The following VDR variants were observed in gnomAD, a reference collection of about 807,000 sequenced individuals.
VDR encodes vitamin D receptor.
VDR carries 19 observed loss-of-function variants against 39.7 expected under a neutral mutation model. The ratio of observed to expected loss-of-function variants is 0.48; its 90% CI spans 0.33 to 0.70. The LOEUF (loss-of-function observed/expected upper bound fraction) is 0.70, where lower values mean the gene tolerates loss of function less well. VDR is among the 30% of genes least tolerant of loss of function. VDR has a pLI of 0.02. For synonymous variants in VDR, 242 were observed against 215.8 expected, an observed-to-expected ratio of 1.12 and a Z score of -1.07; for missense variants, 442 against 570.5, an observed-to-expected ratio of 0.77 and a Z score of 2.29.
At chr12:47,861,656 T>C (rs192681082) in intron 4 of VDR, among the ~76,000 whole-genome samples, 1 of 152,276 alleles carries the variant, frequency 6.6e-6, no homozygotes, top group African/African-American at 2.4e-5. Flanking sequence ...GAAAGAGTGT[T>C]GGGCTGTCTG....
intron 1 of VDR, among the ~76,000 whole-genome samples, chr12:47,899,350 C>G (rs759146280): frequency 3.9e-5 from 6 of 152,214 alleles, no homozygotes; most frequent in African/African-American, 1.4e-4. Context: ...AATACACATG[C>G]CTTTCAAGGG....
intron 1 of VDR, 138 bp from the exon 2 acceptor site, chr12:47,882,912 T>C: frequency 1.5e-6 from 1 of 650,092 alleles, no homozygotes; most frequent in Non-Finnish European, 2.5e-6. Flanking sequence ...AGTGGCTTGT[T>C]GGGAGCAGGC....
rs570066010 is a variant in VDR at position 47,894,350 on chromosome 12, C to T, written c.-84+10605G>A. On this transcript the variant is annotated intron_variant, in intron 1 of 9. Transcript: ENST00000549336. ...CAATACTCTTTCTGGCAGAGGCAAA[C>T]ATCCCTCAAGAAGGAATCTGATGGA... is the stretch of plus-strand genomic sequence containing the variant. Among the ~76,000 whole-genome samples the T allele has an allele frequency of 2.6e-5, 4 of 152,348 alleles. No homozygotes were observed. The South Asian group carries it at 8.3e-4, about 32-fold the overall frequency.
intron 3 of VDR, 162 bp downstream of exon 3, chr12:47,878,806 T>C (rs1474720767): frequency 9.1e-7 from 1 of 1,100,708 alleles, no homozygotes; most frequent in Non-Finnish European, 1.3e-6. Context: ...GAAAAGAAGA[T>C]ACCACTCACC....
At chr12:47,858,605 G>A (rs1384635434) in intron 4 of VDR, among the ~76,000 whole-genome samples, 3 of 152,264 alleles carry the variant, frequency 2.0e-5, no homozygotes, top group Admixed American at 6.5e-5. Context: ...GGGTGGAGGG[G>A]ATGCTGGGAG....
intron 4 of VDR, among the ~76,000 whole-genome samples, chr12:47,859,968 T>C (rs183422387): frequency 7.0e-6 from 1 of 143,078 alleles, no homozygotes; most frequent in East Asian, 2.0e-4. Flanking sequence ...TCTTTCTTTC[T>C]TTCTTTCTTT....
chr12:47,860,630 G>A (rs1195691736), intron 4 of VDR, among the ~76,000 whole-genome samples: 2 of 152,236 alleles, frequency 1.3e-5, no homozygotes, highest in East Asian at 3.8e-4. Flanking sequence ...GAACATTGCA[G>A]GACAAGGTTA....
intron 7 of VDR, among the ~76,000 whole-genome samples, chr12:47,852,683 G>T (rs908302523): frequency 2.0e-5 from 3 of 152,194 alleles, no homozygotes; most frequent in Non-Finnish European, 2.9e-5. Context: ...TTGGTGAGAG[G>T]CATAAAATAA....
intron 4 of VDR, among the ~76,000 whole-genome samples, chr12:47,863,721 A>C (rs1945670669): frequency 6.6e-6 from 1 of 152,094 alleles, no homozygotes; most frequent in Admixed American, 6.5e-5. Context: ...TGGAGAAACC[A>C]CAGCCCTGGA....
At chr12:47,892,710 C>T (rs530740145) in intron 1 of VDR, among the ~76,000 whole-genome samples, 4 of 148,952 alleles carry the variant, frequency 2.7e-5, no homozygotes, top group Admixed American at 6.7e-5. Flanking sequence ...CAGTCTACCG[C>T]GGGTTGGGGG....
intron 4 of VDR, among the ~76,000 whole-genome samples, chr12:47,858,474 G>A (rs1945542696): frequency 1.3e-5 from 2 of 152,258 alleles, no homozygotes; most frequent in African/African-American, 4.8e-5. Flanking sequence ...CCCAAAGGGT[G>A]AGGCCTTGCA....
rs761146358 is a variant in VDR, at chr12:47,855,808, G to A, written c.584-7C>T. 2 of 1,613,546 alleles carry A rather than the reference G, an allele frequency of 1.2e-6. No homozygotes were observed. Among genetic ancestry groups the A allele is most frequent in the Non-Finnish European group, 1.7e-6 (2 of 1,179,922 alleles). Reference sequence around the variant, plus strand: ...CTGGACGAGTCCATCATGTCTGGGAGAGATGAGGGAAGAGAAGGAGCTATT... The same window carrying A: ...CTGGACGAGTCCATCATGTCTGGGAAAGATGAGGGAAGAGAAGGAGCTATT... On this transcript the variant is annotated splice_polypyrimidine_tract_variant and splice_region_variant and intron_variant, in intron 6 of 9. Coordinates refer to ENST00000549336, the MANE Select transcript of VDR (RefSeq NM_000376.3).
chr12:47,903,258 CTG>C (rs10604401), intron 1 of VDR, among the ~76,000 whole-genome samples: 4,430 of 152,290 alleles, frequency 0.029, 222 homozygotes, highest in African/African-American at 0.1. Flanking sequence ...AGAGCATAGA[CTG>C]TGAATTCCCC....
intron 1 of VDR, among the ~76,000 whole-genome samples, chr12:47,890,775 G>T (rs528482928): frequency 3.9e-5 from 6 of 152,166 alleles, no homozygotes; most frequent in Non-Finnish European, 7.4e-5. Context: ...GAAGGGAGTG[G>T]GTGCAGGAGA....
intron 4 of VDR, among the ~76,000 whole-genome samples, chr12:47,859,858 C>CTTCT (rs1945573794): frequency 4.0e-5 from 2 of 50,114 alleles, no homozygotes; most frequent in East Asian, 3.7e-4. Context: ...TCCTTCCTTC[C>CTTCT]TTCCTTCTTT....
chr12:47,893,955 C>A (rs1332585101), intron 1 of VDR, among the ~76,000 whole-genome samples: 3 of 152,202 alleles, frequency 2.0e-5, no homozygotes, highest in Non-Finnish European at 2.9e-5. Context: ...ACGTTTCAGG[C>A]CAAATATCAG....
chr12:47,848,607 C>T (rs1189008060), intron 7 of VDR, among the ~76,000 whole-genome samples: 3 of 124,010 alleles, frequency 2.4e-5, no homozygotes, highest in East Asian at 2.9e-4. Flanking sequence ...TGCTCTGTTG[C>T]CCAGGCTGGA....
chr12:47,857,358 C>G (rs950888365), intron 5 of VDR, 109 bp from the exon 6 acceptor site: 7 of 1,605,058 alleles, frequency 4.4e-6, no homozygotes, highest in Middle Eastern at 1.7e-4. Flanking sequence ...GAAGGCGAAG[C>G]CTCCCAGTGC....
intron 1 of VDR, among the ~76,000 whole-genome samples, chr12:47,885,508 C>A (rs1488970930): frequency 6.6e-6 from 1 of 152,202 alleles, no homozygotes; most frequent in Non-Finnish European, 1.5e-5. Flanking sequence ...CTGGGCAGAG[C>A]CCTGGGAGGA....
Sources: allele counts gnomAD v4.1 joint callset (sites outside exome capture counted in the v4.1 genomes callset), GRCh38; gene constraint gnomAD v4.1.1; transcripts MANE v1.5; gene names NCBI Gene and HGNC (gene_info 2026-07-23, HGNC 2026-07-21).